The following GRID1 variants were observed in gnomAD, a reference collection of about 807,000 sequenced individuals.
The protein encoded by GRID1 is glutamate ionotropic receptor delta type subunit 1, also known as glutamate receptor ionotropic, delta-1.
GRID1 carries 28 observed loss-of-function variants against 98.0 expected under a neutral mutation model. The ratio of observed to expected loss-of-function variants is 0.29; its 90% confidence interval spans 0.21 to 0.39. The LOEUF (loss-of-function observed/expected upper bound fraction) is 0.39, where lower values mean the gene tolerates loss of function less well. Among genes scored for constraint, GRID1 ranks in the 10% least tolerant of loss-of-function variants. The probability of loss-of-function intolerance (pLI) is 1.00; values close to 1 mark genes in which losing one functional copy is unlikely to be tolerated. For synonymous variants in GRID1, 553 were observed against 538.5 expected, an observed-to-expected ratio of 1.03 and a Z score of -0.37; for missense variants, 1,111 against 1,340.5, an observed-to-expected ratio of 0.83 and a Z score of 2.67.
chr10:85,639,106 G>T (rs1025469838), intron 13 of GRID1, among the ~76,000 whole-genome samples: 1 of 152,132 alleles, frequency 6.6e-6, no homozygotes, highest in Non-Finnish European at 1.5e-5. Flanking sequence ...TTTCAACAAA[G>T]TACTTGTATA....
At chr10:86,051,539 C>T (rs1251982347) in intron 4 of GRID1, among the ~76,000 whole-genome samples, 1 of 151,056 alleles carries the variant, frequency 6.6e-6, no homozygotes, top group Non-Finnish European at 1.5e-5. Flanking sequence ...AATCAATGAA[C>T]TGGTTCAATA....
Position 85,979,016 on chromosome 10 carries a change from C to G in GRID1, c.727-62777G>C, listed in dbSNP as rs564036006. Among the ~76,000 whole-genome samples, 54 of 152,214 alleles carry G rather than the reference C, an allele frequency of 3.5e-4. No homozygotes were observed. The South Asian group carries it at 8.5e-3, about 24-fold the overall frequency. On this transcript the variant is annotated intron_variant, in intron 4 of 15. Coordinates refer to ENST00000327946, the MANE Select transcript of GRID1 (RefSeq NM_017551.3). ...CATGACTTGTTTCTTCTTGTAGGAC[C>G]CTTGACAAGAGCTGAACTTTGTGTG...
At chr10:85,740,294 C>T (rs1222010206) in intron 8 of GRID1, among the ~76,000 whole-genome samples, 1 of 152,116 alleles carries the variant, frequency 6.6e-6, no homozygotes, top group Non-Finnish European at 1.5e-5. Flanking sequence ...CAAGTTCCAT[C>T]AGATATTAGT....
chr10:86,012,995 C>A (rs940340325), intron 4 of GRID1, among the ~76,000 whole-genome samples: 2 of 152,236 alleles, frequency 1.3e-5, no homozygotes, highest in Admixed American at 6.5e-5. Flanking sequence ...TCATTGAATG[C>A]TGGATCTTGA....
intron 12 of GRID1, 68 bp downstream of exon 12, chr10:85,722,935 G>A: frequency 7.0e-7 from 1 of 1,420,494 alleles, no homozygotes; most frequent in South Asian, 1.5e-5. Flanking sequence ...CACTGCCCTG[G>A]AAAGGTTTAC....
chr10:86,003,338 T>C (rs1842822542), intron 4 of GRID1, among the ~76,000 whole-genome samples: 1 of 152,210 alleles, frequency 6.6e-6, no homozygotes. Flanking sequence ...GGAGAGCCCA[T>C]GAGGCAGCTG....
intron 4 of GRID1, among the ~76,000 whole-genome samples, chr10:85,993,903 C>T (rs1351353622): frequency 1.3e-5 from 2 of 152,240 alleles, no homozygotes; most frequent in East Asian, 1.9e-4. Context: ...ATGATGTTTC[C>T]TTGCATGGCA....
chr10:85,797,124 T>TA (rs1842532418), intron 8 of GRID1, among the ~76,000 whole-genome samples: 1 of 152,192 alleles, frequency 6.6e-6, no homozygotes, highest in African/African-American at 2.4e-5. Flanking sequence ...TGAAAGAGAA[T>TA]AGCAGGATGA....
intron 2 of GRID1, among the ~76,000 whole-genome samples, chr10:86,336,977 TG>T (rs1408324283): frequency 6.6e-6 from 1 of 151,736 alleles, no homozygotes; most frequent in East Asian, 1.9e-4. Context: ...CCCGAGTAGC[TG>T]GGACTACAGG....
chr10:86,045,360 T>A (rs952531327), intron 4 of GRID1, among the ~76,000 whole-genome samples: 1 of 152,214 alleles, frequency 6.6e-6, no homozygotes, highest in Non-Finnish European at 1.5e-5. Flanking sequence ...CATCTACACA[T>A]GCTGGAGCAG....
chr10:86,145,034 T>C (rs1285269845), intron 3 of GRID1, among the ~76,000 whole-genome samples: 1 of 152,208 alleles, frequency 6.6e-6, no homozygotes, highest in Non-Finnish European at 1.5e-5. Flanking sequence ...TCTCTTGAGA[T>C]CATATCTGCT....
chr10:85,973,737 A>T (rs937264875), intron 4 of GRID1, among the ~76,000 whole-genome samples: 3 of 152,208 alleles, frequency 2.0e-5, no homozygotes, highest in African/African-American at 7.2e-5. Flanking sequence ...TTGAGAATAG[A>T]CTTTTTAAGT....
intron 5 of GRID1, among the ~76,000 whole-genome samples, chr10:85,869,639 C>A (rs763366237): frequency 1.3e-5 from 2 of 152,280 alleles, no homozygotes; most frequent in East Asian, 3.9e-4. Context: ...AATATTTGCA[C>A]ACGAATTTTG....
chr10:85,716,809 T>C (rs1841645096), intron 12 of GRID1, among the ~76,000 whole-genome samples: 1 of 151,452 alleles, frequency 6.6e-6, no homozygotes, highest in Non-Finnish European at 1.5e-5. Flanking sequence ...TATGTTACGT[T>C]AACTCAAATA....
intron 12 of GRID1, among the ~76,000 whole-genome samples, chr10:85,655,031 T>C (rs913103326): frequency 6.6e-6 from 1 of 152,198 alleles, no homozygotes; most frequent in African/African-American, 2.4e-5. Context: ...CACTATTCAC[T>C]AGGTTAGTTC....
intron 4 of GRID1, among the ~76,000 whole-genome samples, chr10:86,086,645 C>G (rs1345614492): frequency 2.0e-5 from 3 of 151,996 alleles, no homozygotes; most frequent in Admixed American, 6.5e-5. Flanking sequence ...CATGTGTGTG[C>G]ATGTATATGT....
intron 8 of GRID1, among the ~76,000 whole-genome samples, chr10:85,842,505 A>C (rs564880002): frequency 6.6e-6 from 1 of 152,210 alleles, no homozygotes; most frequent in African/African-American, 2.4e-5. Context: ...ATAAACCTCT[A>C]ACAAGACTAA....
intron 12 of GRID1, among the ~76,000 whole-genome samples, chr10:85,648,648 C>T (rs1050256215): frequency 6.6e-6 from 1 of 152,208 alleles, no homozygotes; most frequent in Non-Finnish European, 1.5e-5. Flanking sequence ...AATGAGAAAT[C>T]CCACACACTC....
Position 86,281,070 on chromosome 10 carries a change from A to G in GRID1, c.236-74422T>C, listed in dbSNP as rs1373261308. 4.6e-5 allele frequency among the ~76,000 whole-genome samples: 7 copies of G among 152,278 alleles called. No homozygotes were observed. The East Asian group carries it at 1.4e-3, about 29-fold the overall frequency. On this transcript the variant is annotated intron_variant, in intron 2 of 15. Transcript: ENST00000327946. Reference sequence around the variant, plus strand: ...CCTTGTCTAATTCCTGTACTGACTGAGAATGCAATAGGGAGGGGGCAGAGC... The same window carrying G: ...CCTTGTCTAATTCCTGTACTGACTGGGAATGCAATAGGGAGGGGGCAGAGC...
Sources: gnomAD v4.1 joint callset for allele counts (sites outside exome capture counted in the v4.1 genomes callset) on GRCh38, gnomAD v4.1.1 for gene constraint, MANE v1.5 for transcripts, NCBI Gene and HGNC (gene_info 2026-07-23, HGNC 2026-07-21) for gene names.